Variants in ADAMTSL1 observed in about 807,000 individuals in gnomAD.
ADAMTSL1 encodes the protein ADAMTS-like protein 1.
In ADAMTSL1, 126 loss-of-function variants were observed where a neutral mutation model predicts 201.8. The observed-to-expected ratio is 0.62, with a 90% confidence interval of 0.54 to 0.72. The LOEUF is 0.72. Among genes scored for constraint, ADAMTSL1 ranks in the 30% least tolerant of loss-of-function variants. The pLI, the probability that ADAMTSL1 is intolerant of heterozygous loss-of-function variation, is 0.00. For synonymous variants in ADAMTSL1, 1,121 were observed against 903.4 expected (o/e 1.24, Z -4.32); for missense variants, 2,679 against 2,277.8 (o/e 1.18, Z -3.59).
At position 17,943,723 on chromosome 9, in the gene ADAMTSL1, G is replaced by A. The variant is rs1023685078; in HGVS notation, c.87+36801G>A. Among the ~76,000 whole-genome samples the A allele has an allele frequency of 2.6e-5, 4 of 151,962 alleles. No homozygotes were observed. The South Asian group carries it at 8.3e-4, about 32-fold the overall frequency. On this transcript the variant is annotated intron_variant, in intron 1 of 29. Transcript: ENST00000680146. ...TGCTATTTTACATTAAATTCTATTA[G>A]TATCTGTATTAGGCTTTTCTTGCAT... is the stretch of plus-strand genomic sequence containing the variant.
At chr9:18,511,620 T>C (rs1168736285) in intron 2 of ADAMTSL1, among the ~76,000 whole-genome samples, 1 of 152,116 alleles carries the variant, frequency 6.6e-6, no homozygotes, top group Non-Finnish European at 1.5e-5. Flanking sequence ...GGAGTCTTAG[T>C]CCACAGGAAT....
At chr9:18,111,460 A>C (rs1358470905) in intron 1 of ADAMTSL1, among the ~76,000 whole-genome samples, 1 of 152,134 alleles carries the variant, frequency 6.6e-6, no homozygotes, top group African/African-American at 2.4e-5. Flanking sequence ...TTTGATGTCC[A>C]AGAAGCCCTT....
At chr9:18,084,633 G>A (rs1009362971) in intron 1 of ADAMTSL1, among the ~76,000 whole-genome samples, 1 of 151,962 alleles carries the variant, frequency 6.6e-6, no homozygotes, top group African/African-American at 2.4e-5. Flanking sequence ...AAATCGATCA[G>A]TTACACCGTA....
chr9:18,057,621 T>G (rs1822255337), intron 1 of ADAMTSL1, among the ~76,000 whole-genome samples: 1 of 152,192 alleles, frequency 6.6e-6, no homozygotes, highest in East Asian at 1.9e-4. Context: ...GACTGTGGGC[T>G]GACCGTGGCC....
At chr9:18,154,149 A>G (rs1411875983) in intron 1 of ADAMTSL1, among the ~76,000 whole-genome samples, 1 of 152,086 alleles carries the variant, frequency 6.6e-6, no homozygotes, top group Non-Finnish European at 1.5e-5. Context: ...TGCTTCTGAA[A>G]GCAAACGTGG....
chr9:18,528,179 A>AT (rs1048227871), intron 2 of ADAMTSL1, among the ~76,000 whole-genome samples: 2 of 152,106 alleles, frequency 1.3e-5, no homozygotes, highest in African/African-American at 4.8e-5. Context: ...CACCTGGCCC[A>AT]TTTTTTTATT....
chr9:18,646,738 GC>G (rs1465616868), intron 7 of ADAMTSL1, among the ~76,000 whole-genome samples: 1 of 152,150 alleles, frequency 6.6e-6, no homozygotes, highest in East Asian at 1.9e-4. Context: ...CAAGGATGAA[GC>G]CCACTTGATC....
rs187268746 is a variant in ADAMTSL1 at position 18,740,678 on chromosome 9, T to C, written c.2007-12620T>C. Among the ~76,000 whole-genome samples, 29 of 152,130 alleles carry C rather than the reference T, an allele frequency of 1.9e-4. No homozygotes were observed. The East Asian group carries it at 5.4e-3, about 28-fold the overall frequency. Reference sequence around the variant, plus strand: ...TTTTAATAGAGACAGGGTTTCACCATGTTGGCCAGGCTGGTCTCGAACTCC... The same window carrying C: ...TTTTAATAGAGACAGGGTTTCACCACGTTGGCCAGGCTGGTCTCGAACTCC... On this transcript the variant is annotated intron_variant, in intron 15 of 28. Transcript: ENST00000380548.
intron 1 of ADAMTSL1, among the ~76,000 whole-genome samples, chr9:18,146,730 G>C (rs1826662639): frequency 6.6e-6 from 1 of 152,196 alleles, no homozygotes; most frequent in African/African-American, 2.4e-5. Context: ...TTCAGTGAAT[G>C]TGGTAGTGTG....
At chr9:18,732,833 G>T (rs917169491) in intron 15 of ADAMTSL1, among the ~76,000 whole-genome samples, 1 of 152,170 alleles carries the variant, frequency 6.6e-6, no homozygotes, top group Non-Finnish European at 1.5e-5. Flanking sequence ...TTTGAGCAAG[G>T]TATGGCTTCC....
At chr9:18,070,623 C>T (rs117176363) in intron 1 of ADAMTSL1, among the ~76,000 whole-genome samples, 1 of 152,082 alleles carries the variant, frequency 6.6e-6, no homozygotes, top group East Asian at 1.9e-4. Flanking sequence ...AACTAAATGG[C>T]CCAGCTGTGA....
At chr9:18,355,764 T>A (rs2133050063) in intron 2 of ADAMTSL1, among the ~76,000 whole-genome samples, 1 of 152,292 alleles carries the variant, frequency 6.6e-6, no homozygotes, top group East Asian at 1.9e-4. Flanking sequence ...CCTAGCACTT[T>A]GGGAGGCCAA....
chr9:18,514,184 T>A (rs143486648), intron 2 of ADAMTSL1, among the ~76,000 whole-genome samples: 14 of 152,178 alleles, frequency 9.2e-5, no homozygotes, highest in African/African-American at 3.4e-4. Context: ...GTTTTGTGAT[T>A]GTCAGTGTTC....
intron 14 of ADAMTSL1, among the ~76,000 whole-genome samples, chr9:18,708,746 A>G (rs1171514595): frequency 6.6e-6 from 1 of 152,204 alleles, no homozygotes; most frequent in Non-Finnish European, 1.5e-5. Flanking sequence ...AAAATTATTT[A>G]TGGTCTCTCA....
At chr9:18,179,078 C>G (rs368111046) in intron 2 of ADAMTSL1, among the ~76,000 whole-genome samples, 1 of 141,258 alleles carries the variant, frequency 7.1e-6, no homozygotes, top group African/African-American at 2.6e-5. Flanking sequence ...CAAATTACTC[C>G]GAGCTACGGG....
chr9:18,443,345 A>G (rs1309978109), intron 2 of ADAMTSL1, among the ~76,000 whole-genome samples: 2 of 152,214 alleles, frequency 1.3e-5, no homozygotes, highest in Non-Finnish European at 2.9e-5. Flanking sequence ...CTGAGGATAC[A>G]TTACTTTTTG....
At position 18,706,738 on chromosome 9, in the gene ADAMTSL1, C is replaced by T. The variant is rs754476595; in HGVS notation, c.1575-9C>T. Reference sequence around the variant, plus strand: ...TCATCCTGTCCTCTTGTTTGCTTGCCGACTGCAGGTTCATCCCAGAGGCCT... The same window carrying T: ...TCATCCTGTCCTCTTGTTTGCTTGCTGACTGCAGGTTCATCCCAGAGGCCT... On this transcript the variant is annotated splice_polypyrimidine_tract_variant and intron_variant, in intron 13 of 28. Transcript: ENST00000380548. 5.7e-6 allele frequency: 9 copies of T among 1,586,356 alleles called. No homozygotes were observed. Among genetic ancestry groups the T allele is most frequent in the Admixed American group, 1.8e-5 (1 of 56,504 alleles).
chr9:18,594,329 G>A (rs1824117202), intron 4 of ADAMTSL1, among the ~76,000 whole-genome samples: 1 of 151,912 alleles, frequency 6.6e-6, no homozygotes, highest in Admixed American at 6.6e-5. Context: ...TATCTGATTG[G>A]TGACTTTTGA....
chr9:18,561,585 T>C (rs1389058171), intron 3 of ADAMTSL1, among the ~76,000 whole-genome samples: 4 of 152,200 alleles, frequency 2.6e-5, no homozygotes, highest in Admixed American at 2.0e-4. Context: ...AACATCCTTG[T>C]TAATTTTCTG....
Sources: allele counts gnomAD v4.1 joint callset (sites outside exome capture counted in the v4.1 genomes callset), GRCh38; gene constraint gnomAD v4.1.1; transcripts MANE v1.5; gene names NCBI Gene and HGNC (gene_info 2026-07-23, HGNC 2026-07-21).